The following PDE3B variants were observed in gnomAD, a reference collection of about 807,000 sequenced individuals.
PDE3B encodes cGMP-inhibited 3',5'-cyclic phosphodiesterase 3B.
A neutral mutation model predicts 116.8 loss-of-function variants in PDE3B; 66 were observed. The ratio of observed to expected loss-of-function variants is 0.56; its 90% CI spans 0.46 to 0.69. PDE3B has a LOEUF of 0.69. Among genes scored for constraint, PDE3B ranks in the 30% least tolerant of loss-of-function variants. The probability of loss-of-function intolerance (pLI) is 0.00; values close to 1 mark genes in which losing one functional copy is unlikely to be tolerated. For synonymous variants in PDE3B, 595 were observed against 533.6 expected, an observed-to-expected ratio of 1.12 and a Z score of -1.59; for missense variants, 1,384 against 1,368.1, an observed-to-expected ratio of 1.01 and a Z score of -0.18.
At position 14,843,942 on chromosome 11, in the gene PDE3B, G is replaced by A; in HGVS notation, c.2436G>A (p.Met812Ile). ...CAAACATTCCTGCATTAGAATTGAT[G>A]GCTCTATACGTGGCAGCTGCCATGC... ...LSSNIPALEL[M>I]ALYVAAAMHD... The change falls in exon 12 of 16, where the codon ATG becomes ATA. Residue 812 changes from methionine to isoleucine, a missense_variant. This residue lies in a region of PDE3B where 428 missense variants were observed against 561.4 expected (regional missense o/e 0.76). Transcript: ENST00000282096. 1 of 1,614,040 alleles carries A rather than the reference G, an allele frequency of 6.2e-7. No individual in the cohort carries two copies.
chr11:14,754,367 C>A (rs1268286036), intron 1 of PDE3B, among the ~76,000 whole-genome samples: 1 of 152,022 alleles, frequency 6.6e-6, no homozygotes, highest in Non-Finnish European at 1.5e-5. Flanking sequence ...ACAAATCATG[C>A]TAACATTTCT....
intron 12 of PDE3B, among the ~76,000 whole-genome samples, chr11:14,853,705 T>G (rs546476338): frequency 3.9e-5 from 6 of 152,236 alleles, no homozygotes; most frequent in Non-Finnish European, 8.8e-5. Flanking sequence ...TGGTAAGGAA[T>G]GTGTGCTAGA....
intron 5 of PDE3B, among the ~76,000 whole-genome samples, chr11:14,809,880 C>T (rs1017531942): frequency 7.2e-6 from 1 of 138,946 alleles, no homozygotes; most frequent in Admixed American, 7.9e-5. Context: ...TACAAATTGC[C>T]CAGACTAAAG....
chr11:14,723,160 A>T (rs1397033450), intron 1 of PDE3B, among the ~76,000 whole-genome samples: 1 of 152,214 alleles, frequency 6.6e-6, no homozygotes, highest in East Asian at 1.9e-4. Flanking sequence ...TTTAGTCCTT[A>T]CAGAATTGTA....
At chr11:14,708,315 A>T (rs1242420395) in intron 1 of PDE3B, among the ~76,000 whole-genome samples, 2 of 152,058 alleles carry the variant, frequency 1.3e-5, no homozygotes, top group African/African-American at 4.8e-5. Flanking sequence ...CTAGATGCAG[A>T]TGTCCATTCT....
intron 1 of PDE3B, among the ~76,000 whole-genome samples, chr11:14,708,869 A>T (rs976849935): frequency 6.6e-6 from 1 of 152,142 alleles, no homozygotes; most frequent in Non-Finnish European, 1.5e-5. Flanking sequence ...TAAAGGACAT[A>T]TAGGAGTTCT....
intron 1 of PDE3B, 83 bp downstream of exon 1, chr11:14,645,136 C>A: frequency 1.8e-6 from 1 of 551,408 alleles, no homozygotes; most frequent in Non-Finnish European, 2.5e-6. Flanking sequence ...TCGCTTATTT[C>A]AAAGCATGTT....
chr11:14,818,283 T>C lies in PDE3B; in HGVS notation c.1623T>C (p.Ala541=), dbSNP rs1859396138. 6.2e-7 allele frequency: 1 copy of C among 1,613,444 alleles called. No individual in the cohort carries two copies. Among genetic ancestry groups the C allele is most frequent in the African/African-American group, 1.3e-5 (1 of 75,050 alleles). ...CACCCATAGAATTTCCTGATACTGCTGATTTTCTTAATAAGCCAAGCGTTA... is the reference window on the plus strand; with the variant it reads ...CACCCATAGAATTTCCTGATACTGCCGATTTTCTTAATAAGCCAAGCGTTA... ...NRSPIEFPDT[A]DFLNKPSVIL... is the part of the protein sequence containing the mutation. The change falls in exon 6 of 16, where the codon GCT becomes GCC. Residue 541 remains alanine (A), a synonymous_variant. Coordinates refer to ENST00000282096, the MANE Select transcript of PDE3B (RefSeq NM_000922.4).
chr11:14,877,345 AG>A, the PDE3B span: 1 of 152,196 alleles, frequency 6.6e-6, no homozygotes, highest in Admixed American at 6.5e-5. Flanking sequence ...GACCTCTAAA[AG>A]ATATAAGTGA....
chr11:14,838,230 C>T (rs979419898), intron 11 of PDE3B, among the ~76,000 whole-genome samples: 2 of 152,040 alleles, frequency 1.3e-5, no homozygotes, highest in Admixed American at 1.3e-4. Context: ...TTGCCCGCCT[C>T]GGCCTCCCAA....
At chr11:14,764,691 C>G (rs1363383237) in intron 1 of PDE3B, among the ~76,000 whole-genome samples, 1 of 151,868 alleles carries the variant, frequency 6.6e-6, no homozygotes, top group East Asian at 1.9e-4. Context: ...GGAAATAAGG[C>G]TTACCACAGA....
chr11:14,646,090 CTG>C (rs1226198290), intron 1 of PDE3B, among the ~76,000 whole-genome samples: 3 of 152,136 alleles, frequency 2.0e-5, no homozygotes, highest in African/African-American at 7.2e-5. Context: ...GCACGACTAA[CTG>C]GTAAGTATAG....
chr11:14,863,538 T>C (rs1336931949), intron 14 of PDE3B, among the ~76,000 whole-genome samples: 1 of 152,188 alleles, frequency 6.6e-6, no homozygotes, highest in Non-Finnish European at 1.5e-5. Flanking sequence ...GAAAAAATGT[T>C]AAGGGCAGCC....
chr11:14,896,130 C>G, the PDE3B span, among the ~76,000 whole-genome samples: 1 of 152,356 alleles, frequency 6.6e-6, no homozygotes, highest in Non-Finnish European at 1.5e-5. Context: ...TCCTCCCATC[C>G]AGCTACCCAC....
At chr11:14,695,768 T>G (rs1240025541) in intron 1 of PDE3B, among the ~76,000 whole-genome samples, 2 of 152,058 alleles carry the variant, frequency 1.3e-5, no homozygotes, top group East Asian at 3.9e-4. Flanking sequence ...ACATGCAGTG[T>G]TTGGTTTTCT....
intron 7 of PDE3B, among the ~76,000 whole-genome samples, chr11:14,824,045 G>A (rs1859608700): frequency 6.6e-6 from 1 of 152,196 alleles, no homozygotes; most frequent in African/African-American, 2.4e-5. Context: ...CGAGCACAGA[G>A]TATCCACCTC....
chr11:14,704,526 C>G (rs1483320598), intron 1 of PDE3B, among the ~76,000 whole-genome samples: 2 of 151,520 alleles, frequency 1.3e-5, no homozygotes, highest in Non-Finnish European at 3.0e-5. Context: ...ATTTATAGTT[C>G]CTGATTTTGA....
intron 7 of PDE3B, among the ~76,000 whole-genome samples, 170 bp from the exon 8 acceptor site, chr11:14,830,528 T>A (rs1464430165): frequency 6.6e-6 from 1 of 152,116 alleles, no homozygotes; most frequent in Non-Finnish European, 1.5e-5. Context: ...ATAAGGTATC[T>A]AGGCAAAATA....
At chr11:14,784,089 G>C (rs1858120916) in intron 2 of PDE3B, among the ~76,000 whole-genome samples, 1 of 152,198 alleles carries the variant, frequency 6.6e-6, no homozygotes, top group South Asian at 2.1e-4. Context: ...CTGATGATCT[G>C]TGGTGAACAG....
Sources: allele counts gnomAD v4.1 joint callset (sites outside exome capture counted in the v4.1 genomes callset), GRCh38; gene constraint gnomAD v4.1.1; regional missense constraint gnomAD v4.1.1; transcripts MANE v1.5; gene names NCBI Gene and HGNC (gene_info 2026-07-23, HGNC 2026-07-21).